FBXW10B: variants seen among roughly 807,000 people sequenced by gnomAD.
FBXW10B encodes the protein F-box and WD repeat domain containing 10B, also known as F-box and WD repeat domain containing protein 10B.
At chr17:15,600,772 G>A in the FBXW10B span, among the ~76,000 whole-genome samples, 6 of 152,062 alleles carry the variant, frequency 3.9e-5, no homozygotes, top group Non-Finnish European at 7.4e-5. Flanking sequence ...ATTGTCGGCC[G>A]GGCGCGGTGG....
the FBXW10B span, among the ~76,000 whole-genome samples, chr17:15,611,931 C>A: frequency 6.6e-6 from 1 of 152,146 alleles, no homozygotes; most frequent in South Asian, 2.1e-4. Flanking sequence ...CCAGAGTAAA[C>A]CTGAAAGTGA....
At chr17:15,611,511 G>A in the FBXW10B span, among the ~76,000 whole-genome samples, 1 of 152,046 alleles carries the variant, frequency 6.6e-6, no homozygotes, top group Non-Finnish European at 1.5e-5. Flanking sequence ...TGAGCAGCTG[G>A]CCCTTCAGAT....
chr17:15,613,320 T>G, the FBXW10B span, among the ~76,000 whole-genome samples: 1 of 147,660 alleles, frequency 6.8e-6, no homozygotes, highest in East Asian at 2.0e-4. Flanking sequence ...AGCTGCAATA[T>G]AACTCCCTGG....
the FBXW10B span, among the ~76,000 whole-genome samples, chr17:15,603,904 C>T: frequency 1.5e-5 from 2 of 131,606 alleles, no homozygotes; most frequent in Non-Finnish European, 3.1e-5. Flanking sequence ...AACCCCTTCT[C>T]TACTAAAAAA....
chr17:15,613,056 G>A, the FBXW10B span, among the ~76,000 whole-genome samples: 1 of 151,934 alleles, frequency 6.6e-6, no homozygotes, highest in Admixed American at 6.6e-5. Flanking sequence ...TGGTCAGACT[G>A]TCGCCAGCCT....
At chr17:15,617,585 T>C in the FBXW10B span, among the ~76,000 whole-genome samples, 1 of 152,334 alleles carries the variant, frequency 6.6e-6, no homozygotes, top group Non-Finnish European at 1.5e-5. Context: ...TCCTCATGAA[T>C]GGCTTGGTGC....
the FBXW10B span, among the ~76,000 whole-genome samples, chr17:15,595,326 G>A: frequency 2.6e-5 from 4 of 151,714 alleles, no homozygotes; most frequent in Admixed American, 6.6e-5. Flanking sequence ...GTGACAGAGC[G>A]AGACTCTGTC....
the FBXW10B span, chr17:15,615,572 C>T: frequency 6.3e-7 from 1 of 1,592,568 alleles, no homozygotes; most frequent in Non-Finnish European, 8.6e-7. Context: ...CTCGGCCTCC[C>T]AAAGTGCTGG....
chr17:15,584,704 T>C, the FBXW10B span, among the ~76,000 whole-genome samples: 1 of 152,182 alleles, frequency 6.6e-6, no homozygotes, highest in Non-Finnish European at 1.5e-5. Flanking sequence ...CCTGGGTAAA[T>C]AGCTTCATTT....
chr17:15,585,932 T>C, the FBXW10B span, among the ~76,000 whole-genome samples: 1 of 150,612 alleles, frequency 6.6e-6, no homozygotes, highest in Non-Finnish European at 1.5e-5. Context: ...CTGTTATATA[T>C]TCATTTTCTT....
chr17:15,593,369 A>C, the FBXW10B span: 1 of 1,614,166 alleles, frequency 6.2e-7, no homozygotes, highest in Non-Finnish European at 8.5e-7. Flanking sequence ...ACAGCACAGG[A>C]TCGCCTCTGC....
chr17:15,588,225 T>C, the FBXW10B span, among the ~76,000 whole-genome samples: 2 of 152,224 alleles, frequency 1.3e-5, no homozygotes, highest in Middle Eastern at 3.2e-3. Flanking sequence ...AACGGCCACC[T>C]GGTGTTTACT....
chr17:15,614,375 T>A, the FBXW10B span, among the ~76,000 whole-genome samples: 3 of 152,046 alleles, frequency 2.0e-5, no homozygotes, highest in Non-Finnish European at 4.4e-5. Flanking sequence ...TTTTTTTTTT[T>A]AGTAGAGGCG....
At chr17:15,611,691 C>T in the FBXW10B span, among the ~76,000 whole-genome samples, 25 of 152,260 alleles carry the variant, frequency 1.6e-4, no homozygotes, top group Non-Finnish European at 2.8e-4. Context: ...TTATGGGAAG[C>T]GACAGTCAAA....
the FBXW10B span, among the ~76,000 whole-genome samples, chr17:15,578,056 T>C: frequency 0.42 from 60,406 of 145,070 alleles, 16,674 homozygotes; most frequent in African/African-American, 0.79. Flanking sequence ...TAAGAGATGG[T>C]CATACAAAAG....
the FBXW10B span, among the ~76,000 whole-genome samples, chr17:15,611,598 C>T: frequency 3.3e-5 from 5 of 152,178 alleles, no homozygotes; most frequent in African/African-American, 1.2e-4. Flanking sequence ...TTTGTGTCAC[C>T]TGCCTGGCCC....
chr17:15,590,092 G>A, the FBXW10B span, among the ~76,000 whole-genome samples: 1 of 150,880 alleles, frequency 6.6e-6, no homozygotes, highest in African/African-American at 2.5e-5. Flanking sequence ...TGGATGGGGA[G>A]CCCGACCCCA....
chr17:15,586,063 A>G, the FBXW10B span, among the ~76,000 whole-genome samples: 3 of 151,250 alleles, frequency 2.0e-5, no homozygotes, highest in Non-Finnish European at 4.4e-5. Flanking sequence ...GCACCCACTG[A>G]GTGGAAAGTT....
chr17:15,590,854 C>T, the FBXW10B span, among the ~76,000 whole-genome samples: 1 of 152,234 alleles, frequency 6.6e-6, no homozygotes, highest in South Asian at 2.1e-4. Context: ...CTGATGGAGA[C>T]ACCCCCATCC....
Sources: gnomAD v4.1 joint callset for allele counts (sites outside exome capture counted in the v4.1 genomes callset) on GRCh38, gnomAD v4.1.1 for gene constraint, MANE v1.5 for transcripts, NCBI Gene and HGNC (gene_info 2026-07-23, HGNC 2026-07-21) for gene names.